Variants in BRDT observed in about 807,000 individuals in gnomAD.
BRDT encodes bromodomain testis-specific protein.
Under a neutral mutation model 113.9 loss-of-function variants are expected in BRDT, and 77 were observed. The ratio of observed to expected loss-of-function variants is 0.68; its 90% CI spans 0.56 to 0.82. BRDT has a LOEUF of 0.82. BRDT is among the 40% of genes least tolerant of loss of function. The pLI, the probability that BRDT is intolerant of heterozygous loss-of-function variation, is 0.00. For synonymous variants in BRDT, 358 were observed against 366.5 expected (o/e 0.98, Z 0.26); for missense variants, 1,027 against 1,105.4 (o/e 0.93, Z 1.01).
At chr1:91,994,906 ATACT>A (rs1686158474) in intron 15 of BRDT, among the ~76,000 whole-genome samples, 1 of 150,922 alleles carries the variant, frequency 6.6e-6, no homozygotes, top group Admixed American at 6.6e-5. Flanking sequence ...TAAGGGAAAG[ATACT>A]TAGAGATTCT....
chr1:91,981,066 T>C lies in BRDT; in HGVS notation c.1638T>C (p.Asn546=), dbSNP rs1186319314. 6.2e-7 allele frequency: 1 copy of C among 1,614,096 alleles called. No individual in the cohort carries two copies. The highest frequency in any genetic ancestry group is 1.7e-5 in the Admixed American group (1 of 60,022). The change falls in exon 10 of 19, where the codon AAT becomes AAC. Residue 546 remains asparagine, a synonymous_variant. Coordinates refer to ENST00000399546, the MANE Select transcript of BRDT (RefSeq NM_207189.4). ...IIQSREPSLS[N]SNPDEIEIDF... ...AATCAAGAGAGCCTTCTCTGAGCAATTCCAATCCTGATGAGATAGAGATAG... is the reference window on the plus strand; with the variant it reads ...AATCAAGAGAGCCTTCTCTGAGCAACTCCAATCCTGATGAGATAGAGATAG...
intron 4 of BRDT, among the ~76,000 whole-genome samples, chr1:91,972,775 T>C (rs1255375856): frequency 2.0e-5 from 3 of 152,204 alleles, no homozygotes; most frequent in Non-Finnish European, 4.4e-5. Context: ...TCAAAGGGTG[T>C]GAGATTATCT....
At chr1:91,991,835 A>C (rs915822347) in intron 13 of BRDT, among the ~76,000 whole-genome samples, 2 of 103,406 alleles carry the variant, frequency 1.9e-5, no homozygotes, top group African/African-American at 5.9e-5. Context: ...TACTAAAAAT[A>C]CAAAAAATTA....
intron 4 of BRDT, among the ~76,000 whole-genome samples, chr1:91,973,983 A>G (rs1417832526): frequency 6.6e-6 from 1 of 152,192 alleles, no homozygotes; most frequent in Non-Finnish European, 1.5e-5. Context: ...ATAATACCAC[A>G]CATCTACAAC....
At chr1:92,013,782 T>C (rs1688002016) in intron 18 of BRDT, among the ~76,000 whole-genome samples, 2 of 152,358 alleles carry the variant, frequency 1.3e-5, no homozygotes, top group South Asian at 4.1e-4. Context: ...CATTACATAT[T>C]ATAGTTATCT....
chr1:92,007,785 A>G (rs760343236), intron 18 of BRDT, among the ~76,000 whole-genome samples: 1 of 152,220 alleles, frequency 6.6e-6, no homozygotes, highest in Non-Finnish European at 1.5e-5. Flanking sequence ...GCCTTATGCT[A>G]TTGCTTAAAT....
chr1:92,012,414 T>C (rs1687877887), intron 18 of BRDT, among the ~76,000 whole-genome samples: 1 of 152,172 alleles, frequency 6.6e-6, no homozygotes, highest in Admixed American at 6.5e-5. Context: ...GAATCTAAAA[T>C]AAGCCAATAC....
At chr1:92,004,919 A>G (rs543549100) in intron 17 of BRDT, among the ~76,000 whole-genome samples, 200 bp from the exon 18 acceptor site, 2 of 150,180 alleles carry the variant, frequency 1.3e-5, no homozygotes, top group South Asian at 4.2e-4. Context: ...CATCTTGGCC[A>G]CAGTTTTCCA....
In BRDT at chr1:91,964,474, C is replaced by T. The variant is rs536725759; in HGVS notation, c.193-153C>T. Among the ~76,000 whole-genome samples the T allele has an allele frequency of 1.8e-3, 275 of 152,326 alleles. 2 individuals are homozygous for T. The highest frequency in any genetic ancestry group is 3.2e-3 in the Non-Finnish European group (219 of 68,024). On this transcript the variant is annotated intron_variant, in intron 2 of 18. Coordinates refer to ENST00000399546, the MANE Select transcript of BRDT (RefSeq NM_207189.4). The stretch of plus-strand genomic sequence containing the variant: ...GCCTCCCGAAGTGCGGGACTACAGG[C>T]GTGAGCCACTGTGCCCAGCCAGAAT...
At chr1:92,007,899 TCA>T (rs1378995016) in intron 18 of BRDT, among the ~76,000 whole-genome samples, 6 of 134,938 alleles carry the variant, frequency 4.4e-5, no homozygotes, top group Non-Finnish European at 9.6e-5. Flanking sequence ...ATTTATTTAT[TCA>T]TTCATTCATT....
At chr1:91,963,227 C>T (rs1327841535) in intron 2 of BRDT, among the ~76,000 whole-genome samples, 2 of 152,142 alleles carry the variant, frequency 1.3e-5, no homozygotes, top group African/African-American at 4.8e-5. Flanking sequence ...GGAGGCTGAG[C>T]AGGAGAATCT....
chr1:91,986,306 G>A (rs1457570690), intron 12 of BRDT, among the ~76,000 whole-genome samples: 3 of 151,968 alleles, frequency 2.0e-5, no homozygotes, highest in African/African-American at 7.3e-5. Context: ...TTAATCCTGT[G>A]ACTAATGATA....
chr1:91,994,171 A>G lies in BRDT; in HGVS notation c.2204A>G (p.His735Arg), dbSNP rs762407595. The G allele has an allele frequency of 6.2e-7, 1 of 1,613,374 alleles. No individual in the cohort carries two copies. The highest frequency in any genetic ancestry group is 1.7e-5 in the Admixed American group (1 of 59,966). ...TCACATGTAATGCCACCAAATCACC[A>G]CCAATTAGCATTTAATTATCAAGAA... ...TPSHVMPPNH[H>R]QLAFNYQELE... Residue 735 changes from histidine to arginine, a missense_variant, in exon 15 of 19, where the codon CAC becomes CGC. By Grantham distance (29) the His-to-Arg change is conservative. Coordinates refer to ENST00000399546, the MANE Select transcript of BRDT (RefSeq NM_207189.4).
rs868740528 is a variant in BRDT, at chr1:91,962,852, A to G, written c.98A>G (p.Gln33Arg). The G allele has an allele frequency of 1.2e-6, 2 of 1,613,252 alleles. No homozygotes were observed. The highest frequency in any genetic ancestry group is 8.5e-7 in the Non-Finnish European group (1 of 1,179,632). The change falls in exon 2 of 19, where the codon CAG becomes CGG. Residue 33 changes from glutamine to arginine, a missense_variant. Transcript: ENST00000399546. Reference protein sequence around the residue: ...KKNGRLTNQLQYLQKVVLKDL... With the variant: ...KKNGRLTNQLRYLQKVVLKDL... ...AATGGGCGATTGACAAATCAACTTC[A>G]GTATCTACAAAAAGTTGTCCTAAAG...
chr1:91,996,795 CAG>C (rs779040093), intron 15 of BRDT, among the ~76,000 whole-genome samples: 40 of 152,276 alleles, frequency 2.6e-4, no homozygotes, highest in South Asian at 6.2e-4. Context: ...GGATTGAAAA[CAG>C]GGGACAGAAC....
At position 91,981,779 on chromosome 1, in the gene BRDT, C is replaced by T. The variant is rs752692993; in HGVS notation, c.2002+24C>T. ...AGGTTAGCTGTCCCCTTAAATGTACCTCTGTTGATGGGAGCACTTTTTTTC... is the reference window on the plus strand; with the variant it reads ...AGGTTAGCTGTCCCCTTAAATGTACTTCTGTTGATGGGAGCACTTTTTTTC... On this transcript the variant is annotated intron_variant, in intron 12 of 18. Coordinates refer to ENST00000399546, the MANE Select transcript of BRDT (RefSeq NM_207189.4). 5 of 1,586,296 alleles carry T rather than the reference C, an allele frequency of 3.2e-6. No individual in the cohort carries two copies. In the East Asian group the frequency reaches 9.0e-5, roughly 29 times the overall value.
intron 18 of BRDT, among the ~76,000 whole-genome samples, chr1:92,006,353 A>G (rs1414994532): frequency 6.6e-6 from 1 of 152,018 alleles, no homozygotes; most frequent in African/African-American, 2.4e-5. Context: ...GCACAGTAAA[A>G]TTCTTTCCAT....
rs1271128442 is a variant in BRDT, at chr1:91,977,148, C to T, written c.724C>T (p.Leu242=). The T allele has an allele frequency of 3.1e-6, 5 of 1,613,996 alleles. No homozygotes were observed. The highest frequency in any genetic ancestry group is 3.4e-6 in the Non-Finnish European group (4 of 1,179,978). The change falls in exon 6 of 19, where the codon CTG becomes TTG. Residue 242 remains leucine, a synonymous_variant. Transcript: ENST00000399546. ...AACATTCACAGAAAAATCAGTGGCACTGCCACCTATAAAAGAAAATATGCC... is the reference window on the plus strand; with the variant it reads ...AACATTCACAGAAAAATCAGTGGCATTGCCACCTATAAAAGAAAATATGCC... ...SPTFTEKSVA[L]PPIKENMPKN... is the part of the protein sequence containing the mutation.
intron 15 of BRDT, among the ~76,000 whole-genome samples, chr1:92,001,486 A>G (rs1686839058): frequency 6.6e-6 from 1 of 152,162 alleles, no homozygotes; most frequent in Non-Finnish European, 1.5e-5. Flanking sequence ...ACTGAAGGTC[A>G]GGAGTTCAAG....
Sources: gnomAD v4.1 joint callset for allele counts (sites outside exome capture counted in the v4.1 genomes callset) on GRCh38, gnomAD v4.1.1 for gene constraint, MANE v1.5 for transcripts, NCBI Gene and HGNC (gene_info 2026-07-23, HGNC 2026-07-21) for gene names.